The following TUSC3 variants were observed in gnomAD, a reference collection of about 807,000 sequenced individuals.
TUSC3 encodes the protein dolichyl-diphosphooligosaccharide--protein glycosyltransferase subunit TUSC3.
TUSC3 carries 45 observed loss-of-function variants against 44.8 expected under a neutral mutation model. The observed-to-expected ratio is 1.00, with a 90% CI of 0.79 to 1.29. The LOEUF (loss-of-function observed/expected upper bound fraction) is 1.29. Among genes scored for constraint, TUSC3 ranks in the 50% most tolerant of loss-of-function variants. The probability of loss-of-function intolerance (pLI) is 0.00; values close to 1 mark genes in which losing one functional copy is unlikely to be tolerated. For synonymous variants in TUSC3, 212 were observed against 152.9 expected, an observed-to-expected ratio of 1.39 and a Z score of -2.85; for missense variants, 519 against 437.9, an observed-to-expected ratio of 1.19 and a Z score of -1.65.
intron 2 of TUSC3, among the ~76,000 whole-genome samples, chr8:15,632,606 G>C (rs1277971344): frequency 1.3e-5 from 2 of 152,146 alleles, no homozygotes; most frequent in African/African-American, 2.4e-5. Flanking sequence ...CCCAGCACTT[G>C]TAGTATTAAT....
At chr8:15,775,508 G>T in the TUSC3 span, among the ~76,000 whole-genome samples, 1 of 151,680 alleles carries the variant, frequency 6.6e-6, no homozygotes, top group Non-Finnish European at 1.5e-5. Flanking sequence ...GCTATATAAA[G>T]GTATTTTAAC....
At chr8:15,653,292 A>T (rs10103967) in intron 3 of TUSC3, among the ~76,000 whole-genome samples, 2 of 152,136 alleles carry the variant, frequency 1.3e-5, no homozygotes, top group African/African-American at 4.8e-5. Flanking sequence ...ACATGTAGCT[A>T]GATCTCTCTC....
intron 3 of TUSC3, among the ~76,000 whole-genome samples, chr8:15,654,178 G>C (rs1208956427): frequency 2.6e-5 from 4 of 152,178 alleles, no homozygotes; most frequent in African/African-American, 7.2e-5. Context: ...TTTTCCTATA[G>C]TTTTCATGTG....
chr8:15,751,087 C>A (rs1811679718), intron 9 of TUSC3, among the ~76,000 whole-genome samples: 1 of 152,092 alleles, frequency 6.6e-6, no homozygotes, highest in South Asian at 2.1e-4. Flanking sequence ...TCCATCATCT[C>A]CTGTGCTATT....
At chr8:15,811,931 A>C in the TUSC3 span, among the ~76,000 whole-genome samples, 2 of 152,216 alleles carry the variant, frequency 1.3e-5, no homozygotes, top group African/African-American at 4.8e-5. Context: ...AACAGTAATA[A>C]GTATTTGAAG....
At chr8:15,587,200 G>A (rs1803638466) in intron 1 of TUSC3, among the ~76,000 whole-genome samples, 1 of 152,140 alleles carries the variant, frequency 6.6e-6, no homozygotes, top group South Asian at 2.1e-4. Flanking sequence ...ATATGGCACA[G>A]AACTGAAACT....
At chr8:15,456,646 T>C (rs1225008096) in intron 1 of TUSC3, among the ~76,000 whole-genome samples, 1 of 152,150 alleles carries the variant, frequency 6.6e-6, no homozygotes, top group Non-Finnish European at 1.5e-5. Flanking sequence ...AAAAAGGACT[T>C]TTTATTAAAT....
intron 2 of TUSC3, among the ~76,000 whole-genome samples, chr8:15,499,658 T>C (rs997553399): frequency 6.6e-6 from 1 of 152,182 alleles, no homozygotes; most frequent in Non-Finnish European, 1.5e-5. Flanking sequence ...TGCTTAGATA[T>C]TTAGTTAAAC....
At chr8:15,775,771 T>TAG in the TUSC3 span, among the ~76,000 whole-genome samples, 1 of 145,400 alleles carries the variant, frequency 6.9e-6, no homozygotes, top group South Asian at 2.1e-4. Context: ...TATATATATA[T>TAG]ATATATCTTC....
chr8:15,510,867 C>T (rs140611730), intron 2 of TUSC3, among the ~76,000 whole-genome samples: 2 of 152,202 alleles, frequency 1.3e-5, no homozygotes, highest in African/African-American at 4.8e-5. Context: ...TGTATGGAAT[C>T]ACTTTAAAAT....
intron 2 of TUSC3, among the ~76,000 whole-genome samples, chr8:15,503,453 C>T (rs951063252): frequency 3.9e-5 from 6 of 152,126 alleles, no homozygotes; most frequent in Non-Finnish European, 7.3e-5. Flanking sequence ...CCTTCTTCTT[C>T]TGCCCTATGA....
chr8:15,727,592 A>C (rs1810548757), intron 6 of TUSC3, among the ~76,000 whole-genome samples: 1 of 152,190 alleles, frequency 6.6e-6, no homozygotes, highest in African/African-American at 2.4e-5. Context: ...CACACAAAAA[A>C]AGAAGTACAA....
intron 6 of TUSC3, among the ~76,000 whole-genome samples, chr8:15,724,181 C>G (rs1317878010): frequency 6.6e-6 from 1 of 152,030 alleles, no homozygotes; most frequent in African/African-American, 2.4e-5. Flanking sequence ...TGTCTTCTGC[C>G]CAAGGGGATC....
At chr8:15,464,058 C>G (rs961194070) in intron 1 of TUSC3, among the ~76,000 whole-genome samples, 10 of 152,176 alleles carry the variant, frequency 6.6e-5, no homozygotes, top group African/African-American at 2.4e-5. Flanking sequence ...AAACTGTACT[C>G]TAACAGCCTC....
intron 1 of TUSC3, among the ~76,000 whole-genome samples, chr8:15,445,130 A>C (rs573268418): frequency 3.3e-5 from 5 of 152,304 alleles, no homozygotes; most frequent in East Asian, 1.9e-4. Flanking sequence ...ATACATGGGT[A>C]GAAAGCAGGA....
At chr8:15,514,828 C>G (rs1437161534) in intron 2 of TUSC3, among the ~76,000 whole-genome samples, 1 of 152,114 alleles carries the variant, frequency 6.6e-6, no homozygotes, top group Admixed American at 6.6e-5. Flanking sequence ...CTCAGCCACT[C>G]GCTAGGCTGA....
intron 1 of TUSC3, among the ~76,000 whole-genome samples, chr8:15,557,644 T>G (rs1413902620): frequency 8.8e-6 from 1 of 113,676 alleles, no homozygotes; most frequent in African/African-American, 2.9e-5. Context: ...GAGCATGGAA[T>G]GTTCTTCCAT....
chr8:15,521,127 C>T (rs1801291706), intron 2 of TUSC3, among the ~76,000 whole-genome samples: 1 of 152,110 alleles, frequency 6.6e-6, no homozygotes, highest in Non-Finnish European at 1.5e-5. Context: ...GAGATCCATG[C>T]CACCTCTCAC....
intron 1 of TUSC3, among the ~76,000 whole-genome samples, chr8:15,585,030 T>C (rs961639643): frequency 1.3e-5 from 2 of 152,182 alleles, no homozygotes; most frequent in African/African-American, 4.8e-5. Flanking sequence ...AATTTTGTGT[T>C]AGAAATACTC....
Sources: allele counts gnomAD v4.1 joint callset (sites outside exome capture counted in the v4.1 genomes callset), GRCh38; gene constraint gnomAD v4.1.1; transcripts MANE v1.5; gene names NCBI Gene and HGNC (gene_info 2026-07-23, HGNC 2026-07-21).